Variants in PCDHGA4 observed in about 807,000 individuals in gnomAD.
The protein encoded by PCDHGA4 is protocadherin gamma subfamily A, 4, also known as protocadherin gamma-A4.
In PCDHGA4, 38 loss-of-function variants were observed where a neutral mutation model predicts 54.6. That is an observed-to-expected ratio of 0.70 (90% CI 0.54 to 0.91). The LOEUF is 0.91. PCDHGA4 is among the 40% of genes least tolerant of loss of function. PCDHGA4 has a pLI of 0.00. For missense variants in PCDHGA4, 1,298 were observed against 1,220.9 expected, an observed-to-expected ratio of 1.06 and a Z score of -0.94; for synonymous variants, 511 against 512.9, an observed-to-expected ratio of 1.00 and a Z score of 0.05.
intron 1 of PCDHGA4, among the ~76,000 whole-genome samples, chr5:141,447,405 T>C (rs1045202682): frequency 6.6e-6 from 1 of 152,068 alleles, no homozygotes; most frequent in Non-Finnish European, 1.5e-5. Context: ...CCCAAAGTGC[T>C]GGGATTACAG....
chr5:141,408,105 G>A (rs566753835), intron 1 of PCDHGA4: 22 of 1,439,788 alleles, frequency 1.5e-5, no homozygotes, highest in Admixed American at 8.2e-5. Context: ...TCCGAGACCC[G>A]GGACTCCTCC....
At chr5:141,423,742 A>C in intron 1 of PCDHGA4, 1 of 514,328 alleles carries the variant, frequency 1.9e-6, no homozygotes, top group Non-Finnish European at 2.4e-6. Context: ...CCTGTTATGA[A>C]AACTGTTTGG....
At chr5:141,404,878 T>C (rs748965325) in intron 1 of PCDHGA4, 88 of 1,613,722 alleles carry the variant, frequency 5.5e-5, no homozygotes, top group Non-Finnish European at 7.3e-5. Context: ...AACAGAGCCT[T>C]GTGGTGGCTG....
Position 141,485,631 on chromosome 5 carries a change from C to T in PCDHGA4, c.2515-9176C>T. 6.2e-7 allele frequency: 1 copy of T among 1,611,764 alleles called. No homozygotes were observed. The highest frequency in any genetic ancestry group is 8.5e-7 in the Non-Finnish European group (1 of 1,178,360). Reference sequence around the variant, plus strand: ...GCAGCTCCTCCAGGACAGCGTTTCCCGTTGGAAAAGGCTCAGGATGCAGAT... The same window carrying T: ...GCAGCTCCTCCAGGACAGCGTTTCCTGTTGGAAAAGGCTCAGGATGCAGAT... On this transcript the variant is annotated intron_variant, in intron 1 of 3. Coordinates refer to ENST00000571252, the MANE Select transcript of PCDHGA4 (RefSeq NM_018917.4). The surrounding 1 kb of genome is among the most constrained non-coding windows in gnomAD (Gnocchi z 5.7).
At chr5:141,414,088 A>G in intron 1 of PCDHGA4, 3 of 1,599,384 alleles carry the variant, frequency 1.9e-6, no homozygotes, top group Non-Finnish European at 8.5e-7. Context: ...TACTGGAGAA[A>G]TAAAAATATC....
chr5:141,365,309 C>T lies in PCDHGA4; in HGVS notation c.2514+7688C>T, dbSNP rs200560640. 105 of 1,613,826 alleles carry T rather than the reference C, an allele frequency of 6.5e-5. 1 individual carries two copies. The highest frequency in any genetic ancestry group is 8.5e-5 in the Non-Finnish European group (100 of 1,179,886). ...AGTGGTAGCTCAGGATGGAGGCGCT[C>T]TTGTTGCCAGCGCTAAGGTGGTGGT... On this transcript the variant is annotated intron_variant, in intron 1 of 3. Transcript: ENST00000571252.
chr5:141,389,695 A>G, intron 1 of PCDHGA4: 1 of 1,612,564 alleles, frequency 6.2e-7, no homozygotes, highest in Non-Finnish European at 8.5e-7. Context: ...TGGCTGTCCT[A>G]CCACGTGCTG....
rs1421968549 is a variant in PCDHGA4 at position 141,356,567 on chromosome 5, C to T, written c.1460C>T (p.Ser487Phe). ...AACCCACCCACTTTCCCTCATGCTT[C>T]CTACTCTGCTTACATTCCTGAAAAC... ...NDNPPTFPHA[S>F]YSAYIPENNP... Residue 487 changes from serine (S) to phenylalanine (F), a missense_variant, in exon 1 of 4, where the codon TCC becomes TTC. Transcript: ENST00000571252. 1 of 1,614,048 alleles carries T rather than the reference C, an allele frequency of 6.2e-7. No individual in the cohort carries two copies. The highest frequency in any genetic ancestry group is 1.3e-5 in the African/African-American group (1 of 74,908).
In PCDHGA4 at chr5:141,476,506, C is replaced by T; in HGVS notation, c.2515-18301C>T. 1 of 1,614,068 alleles carries T rather than the reference C, an allele frequency of 6.2e-7. No homozygotes were observed. ...AAGTGGTGATCCAGGACATCAACGA[C>T]AACAATCCTGCTTTCCCTACCCAGG... On this transcript the variant is annotated intron_variant, in intron 1 of 3. Transcript: ENST00000571252. This position sits in a 1 kb window ranked among gnomAD's most constrained non-coding sequence, Gnocchi z 7.6.
At chr5:141,461,794 C>T (rs191966750) in intron 1 of PCDHGA4, among the ~76,000 whole-genome samples, 7 of 152,134 alleles carry the variant, frequency 4.6e-5, no homozygotes, top group African/African-American at 1.7e-4. Flanking sequence ...GCTGGGATTA[C>T]AGGTGCCCAC....
chr5:141,420,364 A>G (rs942479456), intron 1 of PCDHGA4: 8 of 1,368,440 alleles, frequency 5.8e-6, no homozygotes, highest in African/African-American at 3.0e-5. Flanking sequence ...ATTCTAGATA[A>G]CTTCTTCATA....
intron 1 of PCDHGA4, chr5:141,365,899 G>A (rs747004585): frequency 6.2e-7 from 1 of 1,614,198 alleles, no homozygotes; most frequent in Non-Finnish European, 8.5e-7. Context: ...TCGACTATGA[G>A]CAGTTGAGAG....
intron 1 of PCDHGA4, chr5:141,414,525 T>C (rs1413988459): frequency 1.2e-6 from 2 of 1,613,972 alleles, no homozygotes; most frequent in South Asian, 1.1e-5. Flanking sequence ...CAGATATCAA[T>C]GACAACCCAC....
At position 141,477,866 on chromosome 5, in the gene PCDHGA4, A is replaced by G; in HGVS notation, c.2515-16941A>G. ...CTCGGTGGAGATGCTGCCTCGAGGT[A>G]CCTCAGCTGGCCACCTAGTGTCACG... On this transcript the variant is annotated intron_variant, in intron 1 of 3. Coordinates refer to ENST00000571252, the MANE Select transcript of PCDHGA4 (RefSeq NM_018917.4). This position sits in a 1 kb window ranked among gnomAD's most constrained non-coding sequence, Gnocchi z 4.9. 1 of 1,614,072 alleles carries G rather than the reference A, an allele frequency of 6.2e-7. No homozygotes were observed. Among genetic ancestry groups the G allele is most frequent in the Non-Finnish European group, 8.5e-7 (1 of 1,179,988 alleles).
rs948944459 is a variant in PCDHGA4 at position 141,476,485 on chromosome 5, G to T, written c.2515-18322G>T. 1 of 1,614,076 alleles carries T rather than the reference G, an allele frequency of 6.2e-7. No individual in the cohort carries two copies. The highest frequency in any genetic ancestry group is 8.5e-7 in the Non-Finnish European group (1 of 1,180,016). ...CGCTGGAGCTGTTCAGCGTGGAAGT[G>T]GTGATCCAGGACATCAACGACAACA... is the stretch of plus-strand genomic sequence containing the variant. On this transcript the variant is annotated intron_variant, in intron 1 of 3. Coordinates refer to ENST00000571252, the MANE Select transcript of PCDHGA4 (RefSeq NM_018917.4). The surrounding 1 kb of genome is among the most constrained non-coding windows in gnomAD (Gnocchi z 7.6).
At chr5:141,488,259 C>T (rs1594750656) in intron 1 of PCDHGA4, among the ~76,000 whole-genome samples, 1 of 152,144 alleles carries the variant, frequency 6.6e-6, no homozygotes, top group African/African-American at 2.4e-5. Context: ...AAGGTTGGGG[C>T]GGGTTGGTCA....
intron 1 of PCDHGA4, chr5:141,389,866 T>C: frequency 6.2e-7 from 1 of 1,614,082 alleles, no homozygotes; most frequent in South Asian, 1.1e-5. Context: ...TTGCACCTGG[T>C]CTTCGCCGAC....
intron 1 of PCDHGA4, chr5:141,427,524 C>T (rs1421119651): frequency 1.6e-6 from 1 of 610,726 alleles, no homozygotes; most frequent in South Asian, 1.5e-5. Flanking sequence ...GGAGCGGATC[C>T]CGGAGTACAA....
In PCDHGA4 at chr5:141,393,293, G is replaced by A. The variant is rs774531655; in HGVS notation, c.2514+35672G>A. On this transcript the variant is annotated intron_variant, in intron 1 of 3. Coordinates refer to ENST00000571252, the MANE Select transcript of PCDHGA4 (RefSeq NM_018917.4). ...ATCCACTCCCAGAAGCTGTTGACCC[G>A]GATGTGGGCGTGAACTCCCTCCAGA... 6.2e-6 allele frequency: 10 copies of A among 1,613,918 alleles called. No homozygotes were observed. The Admixed American group carries it at 8.3e-5, about 13-fold the overall frequency.
Sources: allele counts gnomAD v4.1 joint callset (sites outside exome capture counted in the v4.1 genomes callset), GRCh38; gene constraint gnomAD v4.1.1; non-coding constraint Gnocchi (gnomAD v3.1); transcripts MANE v1.5; gene names NCBI Gene and HGNC (gene_info 2026-07-23, HGNC 2026-07-21).